MTUS2: variants seen among roughly 807,000 people sequenced by gnomAD.
The protein encoded by MTUS2 is microtubule associated scaffold protein 2.
In MTUS2, 40 loss-of-function variants were observed where a neutral mutation model predicts 114.1. The observed-to-expected ratio is 0.35, with a 90% CI of 0.27 to 0.46. The LOEUF (loss-of-function observed/expected upper bound fraction) is 0.46, where lower values mean the gene tolerates loss of function less well. MTUS2 is among the 20% of genes least tolerant of loss of function. The pLI is 1.00. For synonymous variants in MTUS2, 688 were observed against 672.0 expected (o/e 1.02, Z -0.37); for missense variants, 1,679 against 1,705.4 (o/e 0.98, Z 0.27).
intron 8 of MTUS2, among the ~76,000 whole-genome samples, chr13:29,400,391 C>T (rs1028465234): frequency 1.3e-5 from 2 of 152,110 alleles, no homozygotes; most frequent in East Asian, 1.9e-4. Flanking sequence ...ACTTTGCCCT[C>T]GCAGCATTTA....
intron 5 of MTUS2, among the ~76,000 whole-genome samples, chr13:29,172,068 A>G (rs1449595579): frequency 6.6e-6 from 1 of 152,226 alleles, no homozygotes; most frequent in East Asian, 1.9e-4. Context: ...ACACAGGGAA[A>G]CAACCAGCTG....
chr13:29,184,941 A>G (rs1894160038), intron 5 of MTUS2, among the ~76,000 whole-genome samples: 1 of 152,174 alleles, frequency 6.6e-6, no homozygotes, highest in South Asian at 2.1e-4. Flanking sequence ...GAGGAAGTCC[A>G]TACTAGTTGG....
chr13:29,487,654 G>T, intron 10 of MTUS2: 1 of 536,596 alleles, frequency 1.9e-6, no homozygotes, highest in Non-Finnish European at 3.4e-6. Flanking sequence ...GGACTCTAAA[G>T]AGGTACCTCA....
At chr13:29,492,536 C>T (rs572606851) in intron 11 of MTUS2, 110 bp from the exon 12 acceptor site, 81 of 755,372 alleles carry the variant, frequency 1.1e-4, no homozygotes, top group Admixed American at 9.2e-4. Context: ...ATCTGCTATA[C>T]GGGAGTCATT....
chr13:29,036,920 G>C (rs1161990490), intron 4 of MTUS2, among the ~76,000 whole-genome samples: 1 of 151,738 alleles, frequency 6.6e-6, no homozygotes, highest in Non-Finnish European at 1.5e-5. Flanking sequence ...CGTGAGATGG[G>C]TCTCCTGAAT....
intron 5 of MTUS2, among the ~76,000 whole-genome samples, chr13:29,204,413 G>A (rs762188392): frequency 6.0e-4 from 92 of 152,228 alleles, no homozygotes; most frequent in Non-Finnish European, 1.1e-3. Context: ...TAGGCCAGGT[G>A]AGCCTCGGAA....
intron 12 of MTUS2, among the ~76,000 whole-genome samples, chr13:29,494,880 A>G (rs965363904): frequency 6.6e-6 from 1 of 152,064 alleles, no homozygotes; most frequent in African/African-American, 2.4e-5. Flanking sequence ...TCTACTAAAA[A>G]TACAAAAAAA....
At chr13:29,107,191 C>A (rs1890705042) in intron 5 of MTUS2, among the ~76,000 whole-genome samples, 1 of 152,038 alleles carries the variant, frequency 6.6e-6, no homozygotes, top group Admixed American at 6.6e-5. Context: ...GGGCTCTTGG[C>A]TTGTATCACT....
At chr13:28,963,818 T>A (rs757163902) in intron 2 of MTUS2, among the ~76,000 whole-genome samples, 4 of 152,198 alleles carry the variant, frequency 2.6e-5, no homozygotes, top group Non-Finnish European at 4.4e-5. Flanking sequence ...TCACTTCAGT[T>A]GTCATCTTAT....
At chr13:29,210,905 C>A (rs551130680) in intron 5 of MTUS2, among the ~76,000 whole-genome samples, 1 of 152,234 alleles carries the variant, frequency 6.6e-6, no homozygotes, top group East Asian at 1.9e-4. Context: ...GGTTGGCCTC[C>A]AGCCAGGAGG....
chr13:29,083,897 A>C (rs1410802207), intron 4 of MTUS2, among the ~76,000 whole-genome samples: 1 of 152,226 alleles, frequency 6.6e-6, no homozygotes. Flanking sequence ...ATTTTAGGAC[A>C]ATGAATGCTA....
At chr13:28,986,173 G>T (rs946894870) in intron 2 of MTUS2, among the ~76,000 whole-genome samples, 2 of 152,116 alleles carry the variant, frequency 1.3e-5, no homozygotes, top group African/African-American at 4.8e-5. Flanking sequence ...GGGAGGATGG[G>T]GGCAGGAAGG....
At chr13:29,492,318 ATGTG>A (rs1322478730) in intron 11 of MTUS2, among the ~76,000 whole-genome samples, 1 of 146,262 alleles carries the variant, frequency 6.8e-6, no homozygotes, top group Non-Finnish European at 1.5e-5. Flanking sequence ...GTGTATGTGT[ATGTG>A]TGGCATGTGG....
chr13:29,449,625 T>C (rs1435141970), intron 9 of MTUS2, among the ~76,000 whole-genome samples: 1 of 152,080 alleles, frequency 6.6e-6, no homozygotes, highest in Non-Finnish European at 1.5e-5. Flanking sequence ...ACATACAGTA[T>C]CTAAGTATCT....
chr13:29,082,432 G>C (rs1889485184), intron 4 of MTUS2, among the ~76,000 whole-genome samples: 1 of 152,188 alleles, frequency 6.6e-6, no homozygotes, highest in Non-Finnish European at 1.5e-5. Flanking sequence ...ATTTTCATCT[G>C]TAAAATGTAT....
Position 29,359,368 on chromosome 13 carries a change from G to A in MTUS2, c.3012G>A (p.Arg1004=), listed in dbSNP as rs1242832110. Reference sequence around the variant, plus strand: ...AGCTGGTGCTGCGGCTGAAGGAGCGGTGTGAGCAGCAGACCAGACAGCTGG... The same window carrying A: ...AGCTGGTGCTGCGGCTGAAGGAGCGATGTGAGCAGCAGACCAGACAGCTGG... ...ERQLVLRLKE[R]CEQQTRQLGV... The change falls in exon 8 of 16, where the codon CGG becomes CGA. Residue 1004 remains arginine (R), a synonymous_variant. Transcript: ENST00000612955. 3 of 1,613,082 alleles carry A rather than the reference G, an allele frequency of 1.9e-6. No individual in the cohort carries two copies. The highest frequency in any genetic ancestry group is 8.5e-7 in the Non-Finnish European group (1 of 1,179,660).
intron 5 of MTUS2, among the ~76,000 whole-genome samples, chr13:29,121,615 C>T (rs966608274): frequency 6.6e-6 from 1 of 151,404 alleles, no homozygotes; most frequent in Non-Finnish European, 1.5e-5. Context: ...GGCCTAAGTT[C>T]AAATCCCTGC....
At chr13:29,207,674 AGAT>A (rs1415245853) in intron 5 of MTUS2, among the ~76,000 whole-genome samples, 18 of 152,130 alleles carry the variant, frequency 1.2e-4, no homozygotes, top group African/African-American at 4.3e-4. Flanking sequence ...GTGTCTATTG[AGAT>A]GATCATGTTA....
At chr13:29,442,169 A>G (rs997518941) in intron 9 of MTUS2, among the ~76,000 whole-genome samples, 5 of 152,142 alleles carry the variant, frequency 3.3e-5, no homozygotes, top group Non-Finnish European at 5.9e-5. Context: ...CCCTGATGAC[A>G]CTGTGGGGGC....
Sources: gnomAD v4.1 joint callset for allele counts (sites outside exome capture counted in the v4.1 genomes callset) on GRCh38, gnomAD v4.1.1 for gene constraint, MANE v1.5 for transcripts, NCBI Gene and HGNC (gene_info 2026-07-23, HGNC 2026-07-21) for gene names.